The following RYR1 variants were observed in gnomAD, a reference collection of about 807,000 sequenced individuals.
RYR1 encodes the protein ryanodine receptor 1.
Under a neutral mutation model 583.5 loss-of-function variants are expected in RYR1, and 342 were observed. The observed-to-expected ratio is 0.59, with a 90% CI of 0.54 to 0.64. The LOEUF (loss-of-function observed/expected upper bound fraction) is 0.64, where lower values mean the gene tolerates loss of function less well. RYR1 is among the 30% of genes least tolerant of loss of function. The pLI, the probability that RYR1 is intolerant of heterozygous loss-of-function variation, is 0.00. For synonymous variants in RYR1, 2,791 were observed against 2,822.5 expected, an observed-to-expected ratio of 0.99 and a Z score of 0.35; for missense variants, 6,032 against 6,917.2, an observed-to-expected ratio of 0.87 and a Z score of 4.54.
chr19:38,466,627 G>A lies in RYR1; in HGVS notation c.3178+229G>A, dbSNP rs575182006. On this transcript the variant is annotated intron_variant, in intron 24 of 105. Transcript: ENST00000359596. ...CACCATTCTCCTGCCTCAGCCTTCCGAGTAGCTGGGATTACCGGCGGGTGC... is the reference window on the plus strand; with the variant it reads ...CACCATTCTCCTGCCTCAGCCTTCCAAGTAGCTGGGATTACCGGCGGGTGC... 2.3e-4 allele frequency among the ~76,000 whole-genome samples: 34 copies of A among 150,950 alleles called. No individual in the cohort carries two copies. In the East Asian group the frequency reaches 6.5e-3, roughly 29 times the overall value.
intron 2 of RYR1, among the ~76,000 whole-genome samples, chr19:38,441,659 T>G (rs1600634302): frequency 3.1e-5 from 3 of 95,802 alleles, no homozygotes; most frequent in Admixed American, 1.2e-4. Flanking sequence ...GGCTGAGAGG[T>G]GGAAGGAGCC....
At chr19:38,446,373 T>A (rs1245527199) in intron 7 of RYR1, 99 bp from the exon 8 acceptor site, 3 of 884,224 alleles carry the variant, frequency 3.4e-6, no homozygotes, top group Admixed American at 1.9e-5. Flanking sequence ...AGCCCTCAGG[T>A]TCCCCCAGGG....
In RYR1 at chr19:38,494,643, C is replaced by G; in HGVS notation, c.6548+18C>G. ...AGCATCGGGTGAGACACCGCCCTTC[C>G]CCCTTACTTTGCATATCCCCTTGGG... is the stretch of plus-strand genomic sequence containing the variant. On this transcript the variant is annotated intron_variant, in intron 39 of 105. Coordinates refer to ENST00000359596, the MANE Select transcript of RYR1 (RefSeq NM_000540.3). 6.2e-7 allele frequency: 1 copy of G among 1,613,874 alleles called. No individual in the cohort carries two copies. The highest frequency in any genetic ancestry group is 1.3e-5 in the African/African-American group (1 of 75,042).
At chr19:38,573,712 G>C (rs966670579) in intron 96 of RYR1, among the ~76,000 whole-genome samples, 1 of 151,682 alleles carries the variant, frequency 6.6e-6, no homozygotes, top group Admixed American at 6.6e-5. Flanking sequence ...AAAAACCTAG[G>C]GTTTCAGTCC....
In RYR1 at chr19:38,543,577, A is replaced by G. The variant is rs1185251744; in HGVS notation, c.11824A>G (p.Ile3942Val). The change falls in exon 86 of 106, where the codon ATT (isoleucine) becomes GTT (valine). Residue 3942 changes from isoleucine (I) to valine (V), a missense_variant. By Grantham distance (29) the Ile-to-Val change is conservative. This residue lies in a region of RYR1 where 82 missense variants were observed against 139.7 expected (regional missense o/e 0.59). Transcript: ENST00000359596. The surrounding 1 kb of genome is among the most constrained non-coding windows in gnomAD (Gnocchi z 4.4). ...FYWYYSGKDV[I>V]EEQGKRNFSK... ...CTGGTACTACTCGGGCAAGGATGTCATTGAAGAGCAGGGCAAGAGGAACTT... is the reference window on the plus strand; with the variant it reads ...CTGGTACTACTCGGGCAAGGATGTCGTTGAAGAGCAGGGCAAGAGGAACTT... The G allele has an allele frequency of 6.2e-7, 1 of 1,613,984 alleles. No individual in the cohort carries two copies. The highest frequency in any genetic ancestry group is 1.7e-5 in the Admixed American group (1 of 60,026).
At chr19:38,456,789 G>C (rs2145401877) in intron 16 of RYR1, among the ~76,000 whole-genome samples, 1 of 151,242 alleles carries the variant, frequency 6.6e-6, no homozygotes, top group African/African-American at 2.4e-5. Context: ...GCTCACGCCT[G>C]TAATCCCAGC....
In RYR1 at chr19:38,585,195, C is replaced by T. The variant is rs191014892; in HGVS notation, c.14803+96C>T. The T allele has an allele frequency of 8.5e-6, 12 of 1,419,910 alleles. No individual in the cohort carries two copies. The African/African-American group carries it at 1.3e-4, about 15-fold the overall frequency. 88.0% of individuals were successfully genotyped at this position (1,419,910 alleles called of 1,614,324 possible). On this transcript the variant is annotated intron_variant, in intron 102 of 105. Transcript: ENST00000359596. Reference sequence around the variant, plus strand: ...ATCCAGTCGGCCTGCATTCATACCCCATCTCTACCTCTCGCTACTGTGAGA... The same window carrying T: ...ATCCAGTCGGCCTGCATTCATACCCTATCTCTACCTCTCGCTACTGTGAGA...
chr19:38,458,017 G>T, intron 17 of RYR1, 34 bp from the exon 18 acceptor site: 1 of 1,610,108 alleles, frequency 6.2e-7, no homozygotes, highest in South Asian at 1.1e-5. Context: ...CTGCCTCTCC[G>T]TCATCCCCCT....
At position 38,507,832 on chromosome 19, in the gene RYR1, G is replaced by A. The variant is rs377404815; in HGVS notation, c.8932+5G>A. 6 of 1,584,974 alleles carry A rather than the reference G, an allele frequency of 3.8e-6. No homozygotes were observed. Among genetic ancestry groups the A allele is most frequent in the Non-Finnish European group, 5.2e-6 (6 of 1,157,354 alleles). On this transcript the variant is annotated splice_donor_5th_base_variant and intron_variant, in intron 58 of 105. Transcript: ENST00000359596. ...AGGAGTTCATTGCCCACCTGGGTAC[G>A]GAGAAATACCCCCCGCTTATGCCCG...
intron 27 of RYR1, among the ~76,000 whole-genome samples, chr19:38,472,975 TA>T (rs1457577989): frequency 6.9e-6 from 1 of 145,900 alleles, no homozygotes; most frequent in Non-Finnish European, 1.5e-5. Context: ...GAGATCCTGC[TA>T]TTGCACTCCA....
At chr19:38,570,531 G>C in intron 93 of RYR1, 76 bp from the exon 94 acceptor site, 1 of 1,068,566 alleles carries the variant, frequency 9.4e-7, no homozygotes, top group Non-Finnish European at 1.5e-6. Flanking sequence ...TTTGATTGCA[G>C]GTAAATGATG....
chr19:38,528,012 G>T, intron 73 of RYR1: 1 of 621,924 alleles, frequency 1.6e-6, no homozygotes, highest in Admixed American at 2.9e-5. Context: ...TTTAGGTCTA[G>T]GGGTGGGGCC....
chr19:38,586,017 G>T lies in RYR1; in HGVS notation c.14868+15G>T. On this transcript the variant is annotated intron_variant, in intron 103 of 105. Coordinates refer to ENST00000359596, the MANE Select transcript of RYR1 (RefSeq NM_000540.3). ...AGGATATGGAGGTAGGTCATGTCTG[G>T]GGGTGACCCAGAGGGATTACGGGAT... The T allele has an allele frequency of 6.2e-7, 1 of 1,614,102 alleles. No homozygotes were observed. Among genetic ancestry groups the T allele is most frequent in the Non-Finnish European group, 8.5e-7 (1 of 1,180,022 alleles).
At chr19:38,454,418 G>C (rs1967255376) in intron 13 of RYR1, among the ~76,000 whole-genome samples, 2 of 152,208 alleles carry the variant, frequency 1.3e-5, no homozygotes, top group Non-Finnish European at 2.9e-5. Flanking sequence ...GCTTTCCTAA[G>C]TGCAAGAAAG....
chr19:38,436,069 G>A (rs762994965), intron 1 of RYR1, among the ~76,000 whole-genome samples: 13 of 151,298 alleles, frequency 8.6e-5, no homozygotes, highest in East Asian at 2.0e-4. Context: ...CCACCAAGCC[G>A]AGCTAATTTT....
Position 38,433,722 on chromosome 19 carries a change from T to C in RYR1, c.-108T>C, listed in dbSNP as rs4632259. 11,937 of 808,106 alleles carry C rather than the reference T, an allele frequency of 0.015. 684 individuals carry two copies. Among genetic ancestry groups the C allele is most frequent in the African/African-American group, 0.14 (8,126 of 59,394 alleles). The allele number at this position is 808,106 out of a possible 1,614,324, so 50.1% of individuals were successfully genotyped here. On this transcript the variant is annotated 5_prime_UTR_variant, in exon 1 of 106. Transcript: ENST00000359596. ...CCATCTACCTCGCGGGTGCCTCTGGTGTCTCCAGAGGTCTCCGACCCCAGC... is the reference window on the plus strand; with the variant it reads ...CCATCTACCTCGCGGGTGCCTCTGGCGTCTCCAGAGGTCTCCGACCCCAGC...
chr19:38,545,135 C>G (rs1392202482), intron 87 of RYR1, among the ~76,000 whole-genome samples: 1 of 152,052 alleles, frequency 6.6e-6, no homozygotes, highest in Non-Finnish European at 1.5e-5. Context: ...CCTCCCTGAA[C>G]CAATCATCAT....
rs1169938399 is a variant in RYR1, at chr19:38,485,873, G to A, written c.5218G>A (p.Glu1740Lys). 2 of 1,613,756 alleles carry A rather than the reference G, an allele frequency of 1.2e-6. No homozygotes were observed. The highest frequency in any genetic ancestry group is 1.7e-6 in the Non-Finnish European group (2 of 1,180,002). The change falls in exon 34 of 106, where the codon GAG becomes AAG. Residue 1740 changes from glutamate (E) to lysine (K), a missense_variant. By Grantham distance (56) the Glu-to-Lys change is moderately conservative. Around this residue, in one of 11 missense-constraint regions of RYR1, gnomAD observed 2,627 missense variants for 2,961.3 expected, o/e 0.89. Coordinates refer to ENST00000359596, the MANE Select transcript of RYR1 (RefSeq NM_000540.3). Reference protein sequence around the residue: ...LSEYIVPLTPETRAITLFPPG... With the variant: ...LSEYIVPLTPKTRAITLFPPG... Reference sequence around the variant, plus strand: ...TGAATACATCGTGCCCCTCACGCCTGAGACCCGCGCCATCACGCTCTTCCC... The same window carrying A: ...TGAATACATCGTGCCCCTCACGCCTAAGACCCGCGCCATCACGCTCTTCCC...
chr19:38,556,948 C>A (rs376013603), intron 89 of RYR1, among the ~76,000 whole-genome samples: 1 of 152,062 alleles, frequency 6.6e-6, no homozygotes, highest in East Asian at 1.9e-4. Context: ...TACTGTATAC[C>A]TCCACCAGGA....
Sources: gnomAD v4.1 joint callset for allele counts (sites outside exome capture counted in the v4.1 genomes callset) on GRCh38, gnomAD v4.1.1 for gene constraint, gnomAD v4.1.1 regional missense constraint, Gnocchi (gnomAD v3.1) non-coding constraint, MANE v1.5 for transcripts, NCBI Gene and HGNC (gene_info 2026-07-23, HGNC 2026-07-21) for gene names.